ITSN1: variants seen among roughly 807,000 people sequenced by gnomAD.
The protein encoded by ITSN1 is intersectin-1.
A neutral mutation model predicts 239.8 loss-of-function variants in ITSN1; 58 were observed. That is an observed-to-expected ratio of 0.24 (90% CI 0.20 to 0.30). The LOEUF is 0.30. ITSN1 is among the 10% of genes least tolerant of loss of function. The pLI is 1.00. For missense variants in ITSN1, 1,558 were observed against 2,103.3 expected, an observed-to-expected ratio of 0.74 and a Z score of 5.07; for synonymous variants, 780 against 770.8, an observed-to-expected ratio of 1.01 and a Z score of -0.20.
intron 4 of ITSN1, among the ~76,000 whole-genome samples, chr21:33,732,244 G>A (rs1255010063): frequency 1.3e-5 from 2 of 152,160 alleles, no homozygotes. Context: ...GACTTTAAGA[G>A]CCTCCTTTAT....
chr21:33,761,844 C>A, intron 8 of ITSN1, 79 bp from the exon 9 acceptor site: 1 of 1,003,592 alleles, frequency 1.0e-6, no homozygotes, highest in Non-Finnish European at 1.6e-6. Flanking sequence ...GAGTAGTCCA[C>A]ATACGCAGAA....
chr21:33,697,483 A>T (rs1952104980), intron 1 of ITSN1, among the ~76,000 whole-genome samples: 1 of 151,896 alleles, frequency 6.6e-6, no homozygotes, highest in Non-Finnish European at 1.5e-5. Flanking sequence ...TTCATGTGAC[A>T]AAGTGTTTGC....
At chr21:33,689,638 T>C (rs976011741) in intron 1 of ITSN1, among the ~76,000 whole-genome samples, 1 of 152,136 alleles carries the variant, frequency 6.6e-6, no homozygotes, top group Non-Finnish European at 1.5e-5. Context: ...ATCGCACCAC[T>C]GTACTCCAGC....
intron 8 of ITSN1, 67 bp downstream of exon 8, chr21:33,755,464 G>A: frequency 1.2e-6 from 1 of 842,776 alleles, no homozygotes; most frequent in Non-Finnish European, 1.9e-6. Flanking sequence ...CTAGATATTG[G>A]GTCATAGATA....
At chr21:33,704,339 G>A (rs886943563) in intron 1 of ITSN1, among the ~76,000 whole-genome samples, 6 of 151,934 alleles carry the variant, frequency 3.9e-5, no homozygotes, top group African/African-American at 9.7e-5. Context: ...TTCTTCTTTC[G>A]TTTTCCAGTG....
chr21:33,724,077 A>G (rs138843911), intron 4 of ITSN1, among the ~76,000 whole-genome samples: 223 of 144,778 alleles, frequency 1.5e-3, no homozygotes, highest in Admixed American at 4.2e-3. Flanking sequence ...AAACTTTCAC[A>G]GGAGATTGTG....
intron 4 of ITSN1, among the ~76,000 whole-genome samples, chr21:33,727,810 A>ATTGC (rs1025331451): frequency 2.1e-4 from 32 of 151,674 alleles, no homozygotes; most frequent in African/African-American, 7.8e-4. Flanking sequence ...CATCAACGTA[A>ATTGC]TTGCATTTAC....
intron 1 of ITSN1, among the ~76,000 whole-genome samples, chr21:33,710,081 G>GTTTT (rs535357439): frequency 3.0e-5 from 4 of 131,352 alleles, no homozygotes; most frequent in African/African-American, 5.6e-5. Flanking sequence ...ATTTTTTTTT[G>GTTTT]TTTTTTTTTT....
intron 20 of ITSN1, 53 bp from the exon 21 acceptor site, chr21:33,810,922 G>C: frequency 1.2e-6 from 2 of 1,610,654 alleles, no homozygotes; most frequent in Non-Finnish European, 1.7e-6. Context: ...TTGGGTGCTG[G>C]GTCTATTCAG....
intron 5 of ITSN1, among the ~76,000 whole-genome samples, chr21:33,741,894 CAAAA>C (rs57036929): frequency 2.4e-3 from 181 of 74,134 alleles, no homozygotes; most frequent in African/African-American, 8.7e-3. Context: ...GATTCCGTCT[CAAAA>C]AAAAAAAAAA....
intron 1 of ITSN1, among the ~76,000 whole-genome samples, chr21:33,674,349 C>T (rs1013496702): frequency 6.6e-6 from 1 of 152,114 alleles, no homozygotes; most frequent in Non-Finnish European, 1.5e-5. Flanking sequence ...ATTCTGAAGG[C>T]CCACAGCGTA....
At position 33,819,324 on chromosome 21, in the gene ITSN1, G is replaced by A; in HGVS notation, c.3016+1G>A. The A allele has an allele frequency of 6.2e-7, 1 of 1,612,208 alleles. No individual in the cohort carries two copies. The highest frequency in any genetic ancestry group is 8.5e-7 in the Non-Finnish European group (1 of 1,178,268). ...GCCAAGCCGGTCGTTTCGGGAGAAG[G>A]TGAGGGCCTGAGTTGTATTATGTTC... On this transcript the variant is annotated splice_donor_variant, in intron 24 of 39. Coordinates refer to ENST00000381318, the MANE Select transcript of ITSN1 (RefSeq NM_003024.3). LOFTEE classifies it high-confidence loss of function.
chr21:33,689,775 C>T (rs2091419872), intron 1 of ITSN1, among the ~76,000 whole-genome samples: 2 of 152,006 alleles, frequency 1.3e-5, no homozygotes, highest in South Asian at 4.2e-4. Flanking sequence ...CAAGACCAAC[C>T]TGGCCAACAT....
intron 7 of ITSN1, among the ~76,000 whole-genome samples, chr21:33,753,068 A>T (rs2834256): frequency 0.31 from 47,226 of 152,058 alleles, 7,743 homozygotes; most frequent in East Asian, 0.55. Context: ...TCTGTTATAG[A>T]TGAGGGACAA....
intron 1 of ITSN1, among the ~76,000 whole-genome samples, chr21:33,715,878 A>G (rs2065105748): frequency 2.6e-5 from 4 of 152,164 alleles, no homozygotes. Context: ...AGATTGCACC[A>G]CTGCACTCCA....
intron 8 of ITSN1, among the ~76,000 whole-genome samples, chr21:33,759,714 C>T (rs1294045130): frequency 2.0e-5 from 3 of 152,138 alleles, no homozygotes. Context: ...GCACACACAT[C>T]CAGCAGGAAT....
intron 5 of ITSN1, among the ~76,000 whole-genome samples, chr21:33,745,677 G>A (rs2067136429): frequency 6.6e-6 from 1 of 152,176 alleles, no homozygotes. Context: ...TGCTTTGGGA[G>A]TGGGAAGTCA....
intron 14 of ITSN1, among the ~76,000 whole-genome samples, chr21:33,777,016 T>G (rs1356863971): frequency 6.6e-6 from 1 of 152,168 alleles, no homozygotes; most frequent in Non-Finnish European, 1.5e-5. Context: ...TTTATTTTCT[T>G]CTAGAAGTTT....
rs1985567831 is a variant in ITSN1, at chr21:33,885,135, C to A, written c.4759+12C>A. ...GAAAGCGTACCTGGGTAATGCATGG[C>A]CCCGCGGGGTGTCCTGCACAGCTGG... On this transcript the variant is annotated intron_variant, in intron 37 of 39. Transcript: ENST00000381318. 6.2e-7 allele frequency: 1 copy of A among 1,609,314 alleles called. No individual in the cohort carries two copies. The highest frequency in any genetic ancestry group is 8.5e-7 in the Non-Finnish European group (1 of 1,175,924).
Sources: allele counts gnomAD v4.1 joint callset (sites outside exome capture counted in the v4.1 genomes callset), GRCh38; gene constraint gnomAD v4.1.1; transcripts MANE v1.5; gene names NCBI Gene and HGNC (gene_info 2026-07-23, HGNC 2026-07-21).